The following ZNF609 variants were observed in gnomAD, a reference collection of about 807,000 sequenced individuals.
ZNF609 encodes zinc finger protein 609.
Under a neutral mutation model 109.5 loss-of-function variants are expected in ZNF609, and 11 were observed. That is an observed-to-expected ratio of 0.10 (90% CI 0.06 to 0.17). The LOEUF is 0.17. Among genes scored for constraint, ZNF609 ranks in the 10% least tolerant of loss-of-function variants. ZNF609 has a pLI of 1.00. For missense variants in ZNF609, 1,559 were observed against 1,772.4 expected (o/e 0.88, Z 2.16); for synonymous variants, 646 against 662.0 (o/e 0.98, Z 0.37).
chr15:64,680,069 T>G, intron 6 of ZNF609, 116 bp from the exon 7 acceptor site: 1 of 1,132,936 alleles, frequency 8.8e-7, no homozygotes, highest in African/African-American at 1.5e-5. Context: ...GACACTATGT[T>G]AGAAAATACC....
At chr15:64,495,904 T>C (rs1285895993) in intron 1 of ZNF609, among the ~76,000 whole-genome samples, 4 of 151,994 alleles carry the variant, frequency 2.6e-5, no homozygotes, top group African/African-American at 9.6e-5. Flanking sequence ...CTGCAACTTC[T>C]TCTTCCCAGA....
intron 1 of ZNF609, among the ~76,000 whole-genome samples, chr15:64,494,714 C>T (rs984501692): frequency 2.2e-4 from 34 of 151,972 alleles, no homozygotes; most frequent in Middle Eastern, 3.4e-3. Context: ...TTAGTACAGA[C>T]GGGGTTTCAT....
intron 3 of ZNF609, among the ~76,000 whole-genome samples, chr15:64,626,289 T>C (rs1232615011): frequency 1.3e-5 from 2 of 152,132 alleles, no homozygotes; most frequent in Non-Finnish European, 1.5e-5. Context: ...AAGGTCTGAA[T>C]TGGGATCAGA....
intron 2 of ZNF609, among the ~76,000 whole-genome samples, chr15:64,615,403 A>G (rs1426636045): frequency 6.6e-6 from 1 of 152,048 alleles, no homozygotes; most frequent in African/African-American, 2.4e-5. Context: ...TTGGCCTCCC[A>G]AAGTGCTGGG....
At chr15:64,672,495 C>T (rs1483236310) in intron 4 of ZNF609, among the ~76,000 whole-genome samples, 2 of 149,910 alleles carry the variant, frequency 1.3e-5, no homozygotes, top group East Asian at 2.0e-4. Context: ...CATGGTGGCT[C>T]ATGCCTGTAA....
intron 2 of ZNF609, among the ~76,000 whole-genome samples, chr15:64,615,202 T>G (rs1333834069): frequency 6.6e-6 from 1 of 152,090 alleles, no homozygotes; most frequent in Non-Finnish European, 1.5e-5. Flanking sequence ...CTTGGCTCAC[T>G]GCAGCCTCAA....
intron 4 of ZNF609, among the ~76,000 whole-genome samples, chr15:64,673,480 C>T (rs1455865189): frequency 6.6e-6 from 1 of 152,176 alleles, no homozygotes; most frequent in Admixed American, 6.5e-5. Flanking sequence ...TTCTACCTTT[C>T]TATATCTTCA....
chr15:64,642,359 T>G (rs1419602355), intron 3 of ZNF609, among the ~76,000 whole-genome samples: 3 of 152,106 alleles, frequency 2.0e-5, no homozygotes, highest in East Asian at 3.8e-4. Flanking sequence ...AACTTTTTTT[T>G]TCTTTTGTAG....
chr15:64,576,256 A>G (rs1475479136), intron 2 of ZNF609, among the ~76,000 whole-genome samples: 1 of 152,190 alleles, frequency 6.6e-6, no homozygotes, highest in African/African-American at 2.4e-5. Context: ...ACAGGTATAA[A>G]TGTGGTTGTT....
intron 2 of ZNF609, among the ~76,000 whole-genome samples, chr15:64,564,408 A>G (rs1894741352): frequency 6.6e-6 from 1 of 152,068 alleles, no homozygotes. Context: ...TCATAAGATG[A>G]GCTGTAAGTA....
intron 1 of ZNF609, among the ~76,000 whole-genome samples, chr15:64,488,132 G>T (rs1893358043): frequency 6.6e-6 from 1 of 152,128 alleles, no homozygotes; most frequent in East Asian, 1.9e-4. Context: ...AAGAAATATG[G>T]AAGCTGCTTT....
intron 1 of ZNF609, among the ~76,000 whole-genome samples, chr15:64,496,823 T>C (rs1893488775): frequency 6.6e-6 from 1 of 152,162 alleles, no homozygotes; most frequent in African/African-American, 2.4e-5. Flanking sequence ...TTCTTTCTTT[T>C]TTTTTTTTGA....
chr15:64,607,838 TC>T, intron 2 of ZNF609, among the ~76,000 whole-genome samples: 1 of 19,966 alleles, frequency 5.0e-5, no homozygotes. Flanking sequence ...TTTCTTTCTT[TC>T]TTTCTTTCTT....
At chr15:64,612,273 G>A (rs927827686) in intron 2 of ZNF609, among the ~76,000 whole-genome samples, 10 of 150,988 alleles carry the variant, frequency 6.6e-5, no homozygotes, top group Non-Finnish European at 1.2e-4. Context: ...TCAGCCTCCC[G>A]AGTAGCTGGG....
intron 2 of ZNF609, chr15:64,593,138 T>C (rs963984693): frequency 5.4e-5 from 86 of 1,587,934 alleles, no homozygotes; most frequent in Admixed American, 6.7e-5. Context: ...CAGGGACATT[T>C]CTGAAGCGAG....
intron 1 of ZNF609, among the ~76,000 whole-genome samples, chr15:64,469,249 G>C (rs1252463293): frequency 6.6e-6 from 1 of 151,386 alleles, no homozygotes; most frequent in Non-Finnish European, 1.5e-5. Context: ...GGCAACAAGA[G>C]ATAAATTCCA....
intron 2 of ZNF609, among the ~76,000 whole-genome samples, chr15:64,506,369 C>G (rs556938754): frequency 1.1e-4 from 17 of 151,074 alleles, no homozygotes; most frequent in Admixed American, 9.9e-4. Flanking sequence ...GTGATCCACC[C>G]GCCTTGGCCT....
At chr15:64,679,055 A>G (rs1166424949) in intron 6 of ZNF609, among the ~76,000 whole-genome samples, 1 of 152,160 alleles carries the variant, frequency 6.6e-6, no homozygotes, top group African/African-American at 2.4e-5. Context: ...CAAGCTCTTT[A>G]TAGTGTTTAA....
intron 2 of ZNF609, among the ~76,000 whole-genome samples, chr15:64,599,191 T>C (rs1895453427): frequency 6.8e-6 from 1 of 148,012 alleles, no homozygotes; most frequent in African/African-American, 2.5e-5. Context: ...TTTTTTTTTT[T>C]TTTTTGGTTT....
Sources: gnomAD v4.1 joint callset for allele counts (sites outside exome capture counted in the v4.1 genomes callset) on GRCh38, gnomAD v4.1.1 for gene constraint, MANE v1.5 for transcripts, NCBI Gene and HGNC (gene_info 2026-07-23, HGNC 2026-07-21) for gene names.